The following SLC4A10 variants were observed in gnomAD, a reference collection of about 807,000 sequenced individuals.
The protein encoded by SLC4A10 is sodium-driven chloride bicarbonate exchanger.
Under a neutral mutation model 137.7 loss-of-function variants are expected in SLC4A10, and 42 were observed. That is an observed-to-expected ratio of 0.30 (90% CI 0.24 to 0.39). The LOEUF (loss-of-function observed/expected upper bound fraction) is 0.39. Ranked by LOEUF, SLC4A10 falls within the 10% of genes least tolerant of loss-of-function variation. The pLI, the probability that SLC4A10 is intolerant of heterozygous loss-of-function variation, is 1.00. For missense variants in SLC4A10, 925 were observed against 1,355.0 expected (o/e 0.68, Z 4.98); for synonymous variants, 474 against 464.1 (o/e 1.02, Z -0.27).
At chr2:161,976,448 C>T (rs557083976) in intron 24 of SLC4A10, among the ~76,000 whole-genome samples, 5 of 152,056 alleles carry the variant, frequency 3.3e-5, no homozygotes, top group African/African-American at 4.8e-5. Flanking sequence ...TGCCAGGGAC[C>T]GGGAACAAGA....
chr2:161,839,995 T>C, intron 4 of SLC4A10, 68 bp downstream of exon 4: 1 of 1,586,820 alleles, frequency 6.3e-7, no homozygotes, highest in South Asian at 1.1e-5. Flanking sequence ...AAGAGATTTC[T>C]AATGCAACAA....
chr2:161,928,089 A>G (rs932382175), intron 15 of SLC4A10, among the ~76,000 whole-genome samples: 14 of 151,148 alleles, frequency 9.3e-5, no homozygotes, highest in African/African-American at 3.2e-4. Flanking sequence ...TTATTGTGGC[A>G]TTATTCACAA....
chr2:161,689,557 A>G (rs2041779337), intron 1 of SLC4A10, among the ~76,000 whole-genome samples: 1 of 152,198 alleles, frequency 6.6e-6, no homozygotes, highest in African/African-American at 2.4e-5. Flanking sequence ...AGTACACTCT[A>G]TGATGTTTGC....
Position 161,804,506 on chromosome 2 carries a change from G to A in SLC4A10, c.188G>A (p.Arg63Gln), listed in dbSNP as rs372550007. 1.7e-5 allele frequency: 27 copies of A among 1,613,070 alleles called. No homozygotes were observed. Among genetic ancestry groups the A allele is most frequent in the Admixed American group, 3.3e-5 (2 of 59,934 alleles). Residue 63 changes from arginine (R) to glutamine (Q), a missense_variant, in exon 3 of 27, where the codon CGA becomes CAA. Coordinates refer to ENST00000446997, the MANE Select transcript of SLC4A10 (RefSeq NM_001178015.2). ...HVPLGGRKSH[R>Q]RHRHRGHKHR... ...CCCTTGGGAGGAAGAAAAAGCCATCGACGTCACAGGCATCGTGGTCATAAA... is the reference window on the plus strand; with the variant it reads ...CCCTTGGGAGGAAGAAAAAGCCATCAACGTCACAGGCATCGTGGTCATAAA...
intron 10 of SLC4A10, among the ~76,000 whole-genome samples, chr2:161,884,662 T>C (rs1186843857): frequency 3.9e-5 from 6 of 152,198 alleles, no homozygotes; most frequent in Admixed American, 6.6e-5. Context: ...TGGCTTTAGG[T>C]AATCATTGTA....
chr2:161,767,135 A>ATG (rs2050932670), intron 1 of SLC4A10, among the ~76,000 whole-genome samples: 7 of 89,502 alleles, frequency 7.8e-5, no homozygotes, highest in East Asian at 7.3e-4. Context: ...ATATATATAT[A>ATG]TATATGTGTG....
At chr2:161,667,693 G>T (rs2039219696) in intron 1 of SLC4A10, among the ~76,000 whole-genome samples, 1 of 151,652 alleles carries the variant, frequency 6.6e-6, no homozygotes, top group Non-Finnish European at 1.5e-5. Context: ...GTACATATGT[G>T]TGTGTGTATA....
At chr2:161,711,252 A>G (rs2044260984) in intron 1 of SLC4A10, among the ~76,000 whole-genome samples, 1 of 151,868 alleles carries the variant, frequency 6.6e-6, no homozygotes, top group African/African-American at 2.4e-5. Context: ...AGGAGGCAGA[A>G]GTGTCAGCTC....
At chr2:161,752,913 A>G (rs1446493744) in intron 1 of SLC4A10, among the ~76,000 whole-genome samples, 1 of 152,104 alleles carries the variant, frequency 6.6e-6, no homozygotes, top group Non-Finnish European at 1.5e-5. Flanking sequence ...AAGTGTTTTT[A>G]CCACAAAAAA....
At chr2:161,693,758 A>G (rs1336391829) in intron 1 of SLC4A10, among the ~76,000 whole-genome samples, 1 of 151,140 alleles carries the variant, frequency 6.6e-6, no homozygotes, top group Non-Finnish European at 1.5e-5. Flanking sequence ...TCACTTACCA[A>G]AATGCCCTTC....
At chr2:161,769,565 C>A (rs2051310861) in intron 1 of SLC4A10, among the ~76,000 whole-genome samples, 1 of 151,856 alleles carries the variant, frequency 6.6e-6, no homozygotes, top group Non-Finnish European at 1.5e-5. Context: ...TTGACTTTAG[C>A]ATTTTCCTTA....
intron 1 of SLC4A10, among the ~76,000 whole-genome samples, chr2:161,634,662 G>T (rs1333794825): frequency 6.6e-6 from 1 of 151,856 alleles, no homozygotes; most frequent in African/African-American, 2.4e-5. Context: ...AATCAAATAA[G>T]GGTAATTAAC....
At chr2:161,909,350 A>G (rs546237319) in intron 15 of SLC4A10, among the ~76,000 whole-genome samples, 4 of 152,348 alleles carry the variant, frequency 2.6e-5, no homozygotes, top group African/African-American at 9.6e-5. Flanking sequence ...CCTTGGATCA[A>G]TGTGAGCATC....
chr2:161,815,291 T>G (rs530920562), intron 3 of SLC4A10, among the ~76,000 whole-genome samples: 1 of 152,190 alleles, frequency 6.6e-6, no homozygotes, highest in African/African-American at 2.4e-5. Flanking sequence ...TGGGGGCGGT[T>G]TCCCTCATGC....
At chr2:161,643,812 A>G (rs2035631967) in intron 1 of SLC4A10, among the ~76,000 whole-genome samples, 1 of 152,282 alleles carries the variant, frequency 6.6e-6, no homozygotes, top group Non-Finnish European at 1.5e-5. Context: ...ATTGCAAGGT[A>G]AAATTAATTG....
intron 2 of SLC4A10, among the ~76,000 whole-genome samples, chr2:161,785,203 A>G (rs1199896569): frequency 6.6e-6 from 1 of 151,874 alleles, no homozygotes; most frequent in Non-Finnish European, 1.5e-5. Flanking sequence ...GAAAATCTGG[A>G]CAGACAAATA....
intron 1 of SLC4A10, among the ~76,000 whole-genome samples, chr2:161,689,931 A>C (rs893125353): frequency 8.5e-5 from 13 of 152,196 alleles, no homozygotes; most frequent in African/African-American, 3.1e-4. Flanking sequence ...CCAGGCTCCC[A>C]GACTCCTCAA....
chr2:161,774,660 AG>A, intron 2 of SLC4A10, among the ~76,000 whole-genome samples: 1 of 152,016 alleles, frequency 6.6e-6, no homozygotes, highest in South Asian at 2.1e-4. Context: ...GGCTTACAAA[AG>A]CCTAGCCCCC....
At chr2:161,927,400 T>A (rs1689366219) in intron 15 of SLC4A10, among the ~76,000 whole-genome samples, 1 of 152,190 alleles carries the variant, frequency 6.6e-6, no homozygotes, top group South Asian at 2.1e-4. Flanking sequence ...GCCTTGGCTT[T>A]CAGCTCCATC....
Sources: allele counts gnomAD v4.1 joint callset (sites outside exome capture counted in the v4.1 genomes callset), GRCh38; gene constraint gnomAD v4.1.1; transcripts MANE v1.5; gene names NCBI Gene and HGNC (gene_info 2026-07-23, HGNC 2026-07-21).